The following DYRK1A variants were observed in gnomAD, a reference collection of about 807,000 sequenced individuals.
DYRK1A encodes dual specificity tyrosine phosphorylation regulated kinase 1A.
Under a neutral mutation model 79.7 loss-of-function variants are expected in DYRK1A, and 9 were observed. The observed-to-expected ratio is 0.11, with a 90% confidence interval of 0.07 to 0.20. The LOEUF is 0.20. DYRK1A is among the 10% of genes least tolerant of loss of function. The pLI is 1.00. For missense variants in DYRK1A, 622 were observed against 956.0 expected, an observed-to-expected ratio of 0.65 and a Z score of 4.61; for synonymous variants, 349 against 329.7, an observed-to-expected ratio of 1.06 and a Z score of -0.63.
intron 2 of DYRK1A, among the ~76,000 whole-genome samples, chr21:37,449,398 T>C (rs1333934359): frequency 1.3e-5 from 2 of 152,208 alleles, no homozygotes; most frequent in Non-Finnish European, 2.9e-5. Context: ...TGGGCATTTT[T>C]CCTATTTTAA....
intron 1 of DYRK1A, among the ~76,000 whole-genome samples, chr21:37,378,715 T>C (rs12481981): frequency 0.075 from 11,490 of 152,252 alleles, 649 homozygotes; most frequent in Non-Finnish European, 0.11. Flanking sequence ...CTTTTGATTA[T>C]AAAAGTGAAT....
At chr21:37,506,450 T>G in intron 11 of DYRK1A, 1 of 1,344,602 alleles carries the variant, frequency 7.4e-7, no homozygotes, top group South Asian at 1.5e-5. Context: ...GTTGTTGTTT[T>G]GAACAGTTTT....
chr21:37,376,258 G>A (rs113351823), intron 1 of DYRK1A, among the ~76,000 whole-genome samples: 3,188 of 152,168 alleles, frequency 0.021, 44 homozygotes, highest in South Asian at 0.053. Flanking sequence ...GCCTGTAATC[G>A]CAGCACTTTG....
At chr21:37,463,270 TAAG>T (rs2051912404) in intron 2 of DYRK1A, among the ~76,000 whole-genome samples, 1 of 150,526 alleles carries the variant, frequency 6.6e-6, no homozygotes, top group Non-Finnish European at 1.5e-5. Flanking sequence ...TAGAGGGTAA[TAAG>T]AAAGCAGTTC....
At chr21:37,404,659 G>C (rs2050116382) in intron 1 of DYRK1A, among the ~76,000 whole-genome samples, 1 of 152,204 alleles carries the variant, frequency 6.6e-6, no homozygotes, top group Non-Finnish European at 1.5e-5. Context: ...ACAACCAGGA[G>C]ACTCATGACC....
chr21:37,403,377 G>A (rs2050087260), intron 1 of DYRK1A, among the ~76,000 whole-genome samples: 2 of 151,986 alleles, frequency 1.3e-5, no homozygotes, highest in Admixed American at 1.3e-4. Flanking sequence ...TGGGGTTGGT[G>A]TTTTACTGAC....
intron 11 of DYRK1A, among the ~76,000 whole-genome samples, chr21:37,508,539 G>A (rs1274155980): frequency 2.0e-5 from 3 of 152,088 alleles, no homozygotes; most frequent in African/African-American, 4.8e-5. Context: ...TGGCCATCTC[G>A]GCCTCCCAAA....
intron 1 of DYRK1A, among the ~76,000 whole-genome samples, chr21:37,396,190 A>T (rs1310374177): frequency 6.6e-6 from 1 of 151,114 alleles, no homozygotes; most frequent in Non-Finnish European, 1.5e-5. Context: ...GTGGCTTTGG[A>T]CTTGGTATAA....
chr21:37,484,285 A>G (rs1490853512), intron 5 of DYRK1A, among the ~76,000 whole-genome samples: 2 of 151,224 alleles, frequency 1.3e-5, no homozygotes, highest in Non-Finnish European at 2.9e-5. Flanking sequence ...TACCTCCGCC[A>G]TGAAAACTTC....
chr21:37,503,623 A>G (rs1039063935), intron 9 of DYRK1A: 6 of 152,170 alleles, frequency 3.9e-5, no homozygotes, highest in Non-Finnish European at 8.8e-5. Flanking sequence ...GGGTCTGGCT[A>G]TGTTGCCTTG....
chr21:37,405,816 A>G (rs2835715), intron 1 of DYRK1A, among the ~76,000 whole-genome samples: 84,514 of 151,958 alleles, frequency 0.56, 24,240 homozygotes, highest in African/African-American at 0.7. Context: ...TCCACGAGGT[A>G]GAGGCACAGT....
chr21:37,441,918 T>C (rs2051116353), intron 2 of DYRK1A, among the ~76,000 whole-genome samples: 2 of 151,976 alleles, frequency 1.3e-5, no homozygotes, highest in South Asian at 4.1e-4. Context: ...ACTAATGATG[T>C]ATTCTTTCAC....
At chr21:37,457,275 C>T (rs1456018095) in intron 2 of DYRK1A, among the ~76,000 whole-genome samples, 1 of 152,144 alleles carries the variant, frequency 6.6e-6, no homozygotes, top group Non-Finnish European at 1.5e-5. Flanking sequence ...CTCTGTTGCC[C>T]AGACTGGAGT....
chr21:37,512,538 T>A lies in DYRK1A; in HGVS notation c.*7T>A. On this transcript the variant is annotated 3_prime_UTR_variant, in exon 12 of 12. Transcript: ENST00000647188. The stretch of plus-strand genomic sequence containing the variant: ...TCCTGTAGCTAGCTCGTGACTACAT[T>A]GAAACTTGAGTTTGTTTCTTGTGTG... 1.2e-6 allele frequency: 2 copies of A among 1,603,468 alleles called. No homozygotes were observed. The highest frequency in any genetic ancestry group is 1.7e-6 in the Non-Finnish European group (2 of 1,172,440).
rs2053562882 is a variant in DYRK1A at position 37,505,335 on chromosome 21, C to T, written c.1265C>T (p.Thr422Ile). The change falls in exon 10 of 12, where the codon ACA becomes ATA. Residue 422 changes from threonine (T) to isoleucine (I), a missense_variant. This residue lies in a region of DYRK1A where 80 missense variants were observed against 116.5 expected (regional missense o/e 0.69). Transcript: ENST00000647188. ...RKLHNILGVE[T>I]GGPGGRRAGE... ...CTTCATAACATTCTTGGAGTGGAAA[C>T]AGGAGGACCTGGTGGGCGACGTGCT... The T allele has an allele frequency of 6.2e-7, 1 of 1,614,018 alleles. No homozygotes were observed. Among genetic ancestry groups the T allele is most frequent in the African/African-American group, 1.3e-5 (1 of 74,918 alleles).
intron 6 of DYRK1A, among the ~76,000 whole-genome samples, chr21:37,489,645 A>G (rs1210244905): frequency 6.6e-6 from 1 of 151,616 alleles, no homozygotes; most frequent in Non-Finnish European, 1.5e-5. Flanking sequence ...AAAAAAAAAA[A>G]GGCTATCAAT....
chr21:37,505,650 G>T, intron 10 of DYRK1A, 61 bp downstream of exon 10: 3 of 1,487,310 alleles, frequency 2.0e-6, no homozygotes, highest in South Asian at 2.7e-5. Flanking sequence ...TATGAAGTGG[G>T]ATTATTTTAA....
chr21:37,366,921 C>G lies in DYRK1A; in HGVS notation c.-784C>G, dbSNP rs1047966033. ...GGGTATCCGGGGAGACTGCTGCTGT[C>G]GCTGCTGCTGATCGCGGCCCAGGTC... On this transcript the variant is annotated 5_prime_UTR_variant, in exon 1 of 12. Coordinates refer to ENST00000647188, the MANE Select transcript of DYRK1A (RefSeq NM_001347721.2). 6.5e-6 allele frequency: 1 copy of G among 154,256 alleles called. No homozygotes were observed. Among genetic ancestry groups the G allele is most frequent in the South Asian group, 1.8e-4 (1 of 5,620 alleles). The allele number at this position is 154,256 out of a possible 1,614,324, so 9.6% of individuals were successfully genotyped here.
intron 2 of DYRK1A, among the ~76,000 whole-genome samples, chr21:37,471,041 T>C (rs1393213712): frequency 6.6e-6 from 1 of 152,212 alleles, no homozygotes; most frequent in Non-Finnish European, 1.5e-5. Context: ...CTGAAAGCAA[T>C]GCTAGGGGCA....
Sources: allele counts gnomAD v4.1 joint callset (sites outside exome capture counted in the v4.1 genomes callset), GRCh38; gene constraint gnomAD v4.1.1; regional missense constraint gnomAD v4.1.1; transcripts MANE v1.5; gene names NCBI Gene and HGNC (gene_info 2026-07-23, HGNC 2026-07-21).